The following KDM2A variants were observed in gnomAD, a reference collection of about 807,000 sequenced individuals.
The protein encoded by KDM2A is lysine demethylase 2A.
KDM2A carries 3 observed loss-of-function variants against 137.3 expected under a neutral mutation model. The observed-to-expected ratio is 0.02, with a 90% confidence interval of 0.01 to 0.06. The LOEUF is 0.06. KDM2A is among the 10% of genes least tolerant of loss of function. KDM2A has a pLI of 1.00. For missense variants in KDM2A, 738 were observed against 1,510.6 expected (o/e 0.49, Z 8.48); for synonymous variants, 512 against 541.5 (o/e 0.95, Z 0.76).
intron 5 of KDM2A, among the ~76,000 whole-genome samples, chr11:67,189,194 T>C (rs1486148397): frequency 1.3e-5 from 2 of 152,178 alleles, no homozygotes; most frequent in Non-Finnish European, 2.9e-5. Context: ...ATTTAAAAAA[T>C]AGATATCAAA....
chr11:67,181,321 T>C lies in KDM2A; in HGVS notation c.183T>C (p.Asp61=), dbSNP rs771232627. 6.2e-7 allele frequency: 1 copy of C among 1,601,252 alleles called. No individual in the cohort carries two copies. Among genetic ancestry groups the C allele is most frequent in the Non-Finnish European group, 8.5e-7 (1 of 1,169,952 alleles). ...TCTAATATTTTCCTATGGTGACAGA[T>C]TTTAATGTAGAGTATATTCAGCGGG... The part of the protein sequence containing the change: ...ANFVTFMEGK[D]FNVEYIQRGG... Residue 61 remains aspartate, a splice_region_variant and synonymous_variant, in exon 4 of 21, where the codon GAT becomes GAC. Coordinates refer to ENST00000529006, the MANE Select transcript of KDM2A (RefSeq NM_012308.3).
intron 2 of KDM2A, among the ~76,000 whole-genome samples, chr11:67,129,666 G>A (rs1379314509): frequency 1.3e-5 from 2 of 150,778 alleles, no homozygotes; most frequent in Non-Finnish European, 3.0e-5. Context: ...CCCGGGAGGC[G>A]GAGCTTGCAG....
intron 2 of KDM2A, among the ~76,000 whole-genome samples, chr11:67,172,671 G>A (rs1395278631): frequency 1.3e-5 from 2 of 150,656 alleles, no homozygotes; most frequent in East Asian, 1.9e-4. Context: ...AGTTTTCTGT[G>A]TACAAGATCA....
At position 67,225,215 on chromosome 11, in the gene KDM2A, C is replaced by CA. The variant is rs543495825; in HGVS notation, c.958-2818dup. ...CACTCTAGTATACTGACTTTGAAAA[C>CA]AAAAGATATCATTCTATTTATAGCA... is the stretch of plus-strand genomic sequence containing the variant. On this transcript the variant is annotated intron_variant, in intron 10 of 20. Transcript: ENST00000529006. 3.9e-4 allele frequency among the ~76,000 whole-genome samples: 59 copies of CA among 152,276 alleles called. 1 individual carries two copies. In the East Asian group the frequency reaches 8.3e-3, roughly 21 times the overall value.
At chr11:67,142,836 A>C (rs1204798328) in intron 2 of KDM2A, among the ~76,000 whole-genome samples, 1 of 152,008 alleles carries the variant, frequency 6.6e-6, no homozygotes, top group African/African-American at 2.4e-5. Flanking sequence ...TACTATGGAA[A>C]GATTATATGA....
intron 5 of KDM2A, among the ~76,000 whole-genome samples, chr11:67,198,284 C>T (rs562914866): frequency 1.3e-5 from 2 of 151,794 alleles, no homozygotes; most frequent in African/African-American, 4.8e-5. Flanking sequence ...AGTATGAGCG[C>T]ACCTCATTTT....
intron 2 of KDM2A, among the ~76,000 whole-genome samples, chr11:67,135,743 TTTTGA>T (rs1228540220): frequency 6.6e-6 from 1 of 152,256 alleles, no homozygotes; most frequent in Admixed American, 6.5e-5. Context: ...CATCTTAGTC[TTTTGA>T]TCATCACCAT....
At chr11:67,125,421 T>G (rs1374647804) in intron 2 of KDM2A, among the ~76,000 whole-genome samples, 1 of 151,758 alleles carries the variant, frequency 6.6e-6, no homozygotes, top group African/African-American at 2.4e-5. Flanking sequence ...GCTCAAACGA[T>G]CTGCCCGCCT....
At chr11:67,224,710 C>G (rs1049452302) in intron 10 of KDM2A, among the ~76,000 whole-genome samples, 5 of 151,788 alleles carry the variant, frequency 3.3e-5, no homozygotes, top group African/African-American at 1.2e-4. Context: ...TCATGATCCA[C>G]CCACCTCAGC....
At chr11:67,183,686 T>C (rs934835835) in intron 5 of KDM2A, among the ~76,000 whole-genome samples, 1 of 152,162 alleles carries the variant, frequency 6.6e-6, no homozygotes, top group African/African-American at 2.4e-5. Context: ...CAGCTGTGCA[T>C]ATGTTTCCCC....
chr11:67,251,882 C>T (rs1395866379), intron 17 of KDM2A, among the ~76,000 whole-genome samples: 1 of 152,176 alleles, frequency 6.6e-6, no homozygotes, highest in African/African-American at 2.4e-5. Context: ...ATTTCTCTGT[C>T]TAGGGCTAAT....
intron 13 of KDM2A, among the ~76,000 whole-genome samples, chr11:67,244,043 A>G (rs1859129469): frequency 6.6e-6 from 1 of 152,216 alleles, no homozygotes; most frequent in African/African-American, 2.4e-5. Context: ...AAGCCATCAC[A>G]TTCCAGGGGT....
At chr11:67,212,819 C>T (rs1440202806) in intron 6 of KDM2A, among the ~76,000 whole-genome samples, 1 of 151,992 alleles carries the variant, frequency 6.6e-6, no homozygotes, top group Non-Finnish European at 1.5e-5. Context: ...CTGAACCGTT[C>T]CTCTCCCTAT....
At chr11:67,240,593 A>G (rs964309652) in intron 12 of KDM2A, among the ~76,000 whole-genome samples, 42 of 152,152 alleles carry the variant, frequency 2.8e-4, no homozygotes, top group Admixed American at 1.2e-3. Flanking sequence ...CTCTCTGCCC[A>G]GGCACCTTCT....
intron 1 of KDM2A, among the ~76,000 whole-genome samples, chr11:67,120,285 C>T (rs1855569803): frequency 6.6e-6 from 1 of 152,230 alleles, no homozygotes; most frequent in African/African-American, 2.4e-5. Flanking sequence ...CCAGGGCTTC[C>T]TCCGGGAGGG....
chr11:67,213,425 G>A (rs572123207), intron 6 of KDM2A, among the ~76,000 whole-genome samples: 5 of 152,150 alleles, frequency 3.3e-5, no homozygotes, highest in South Asian at 2.1e-4. Flanking sequence ...AAAATGTTGC[G>A]TATTGCTTTC....
At chr11:67,195,369 CAAAAAAAAAA>C (rs34494813) in intron 5 of KDM2A, among the ~76,000 whole-genome samples, 7 of 65,214 alleles carry the variant, frequency 1.1e-4, no homozygotes, top group East Asian at 5.8e-4. Context: ...ACTCCGTCTC[CAAAAAAAAAA>C]AAAAAAAAAA....
rs201996361 is a variant in KDM2A, at chr11:67,254,375, C to T, written c.3264C>T (p.Val1088=). The T allele has an allele frequency of 4.7e-5, 76 of 1,614,048 alleles. No homozygotes were observed. The African/African-American group carries it at 7.3e-4, about 16-fold the overall frequency. The part of the protein sequence containing the change: ...TDQSSNLLTA[V]GSSTRYSLTE... ...AGTCCTCCAATCTACTCACTGCTGT[C>T]GGGTCTTCCACTCGCTACTCTCTCA... is the stretch of plus-strand genomic sequence containing the variant. The change falls in exon 20 of 21, where the codon GTC becomes GTT. Residue 1088 remains valine, a synonymous_variant. Transcript: ENST00000529006. The surrounding 1 kb of genome is among the most constrained non-coding windows in gnomAD (Gnocchi z 4.7).
At chr11:67,148,913 G>A (rs978007135) in intron 2 of KDM2A, 3 of 152,146 alleles carry the variant, frequency 2.0e-5, no homozygotes, top group Admixed American at 1.3e-4. Context: ...TGGGGTAGGG[G>A]CTGGTGGCGC....
Sources: allele counts gnomAD v4.1 joint callset (sites outside exome capture counted in the v4.1 genomes callset), GRCh38; gene constraint gnomAD v4.1.1; non-coding constraint Gnocchi (gnomAD v3.1); transcripts MANE v1.5; gene names NCBI Gene and HGNC (gene_info 2026-07-23, HGNC 2026-07-21).